Variants in MAGI2 observed in about 807,000 individuals in gnomAD.
MAGI2 encodes membrane-associated guanylate kinase, WW and PDZ domain-containing protein 2.
Under a neutral mutation model 133.3 loss-of-function variants are expected in MAGI2, and 35 were observed. The ratio of observed to expected loss-of-function variants is 0.26; its 90% CI spans 0.20 to 0.35. The LOEUF (loss-of-function observed/expected upper bound fraction) is 0.35, where lower values mean the gene tolerates loss of function less well. MAGI2 is among the 10% of genes least tolerant of loss of function. The pLI is 1.00. For synonymous variants in MAGI2, 729 were observed against 710.6 expected, an observed-to-expected ratio of 1.03 and a Z score of -0.41; for missense variants, 1,636 against 1,863.4, an observed-to-expected ratio of 0.88 and a Z score of 2.25.
intron 1 of MAGI2, among the ~76,000 whole-genome samples, chr7:79,054,785 G>C (rs1052708141): frequency 6.6e-6 from 1 of 152,036 alleles, no homozygotes; most frequent in African/African-American, 2.4e-5. Flanking sequence ...CTTTGTCTTT[G>C]GGTCCCAATT....
intron 2 of MAGI2, among the ~76,000 whole-genome samples, chr7:78,798,309 C>G (rs1787781639): frequency 6.6e-6 from 1 of 152,068 alleles, no homozygotes; most frequent in Admixed American, 6.6e-5. Context: ...TTACAAATGA[C>G]TAGTCAATTC....
chr7:79,174,194 G>A (rs1428279847), intron 1 of MAGI2, among the ~76,000 whole-genome samples: 1 of 151,822 alleles, frequency 6.6e-6, no homozygotes, highest in African/African-American at 2.4e-5. Context: ...CAAAAAGTTT[G>A]AATACCTCTC....
intron 13 of MAGI2, 34 bp downstream of exon 13, chr7:78,185,595 G>T: frequency 2.7e-6 from 4 of 1,505,064 alleles, no homozygotes; most frequent in Non-Finnish European, 3.6e-6. Context: ...AAGACGTTTT[G>T]TTCACAGAAC....
chr7:79,193,072 C>G (rs1320395213), intron 1 of MAGI2, among the ~76,000 whole-genome samples: 1 of 151,862 alleles, frequency 6.6e-6, no homozygotes, highest in Non-Finnish European at 1.5e-5. Context: ...TTGGCCCCCA[C>G]AAAGTGCTGG....
chr7:78,907,304 T>C (rs1297836871), intron 2 of MAGI2, among the ~76,000 whole-genome samples: 1 of 152,216 alleles, frequency 6.6e-6, no homozygotes, highest in African/African-American at 2.4e-5. Context: ...TCTGTTGGGC[T>C]TAAGGTAGGA....
chr7:78,483,533 A>G (rs1381204027), intron 6 of MAGI2, among the ~76,000 whole-genome samples: 1 of 151,772 alleles, frequency 6.6e-6, no homozygotes, highest in African/African-American at 2.4e-5. Context: ...AGATTCTGGG[A>G]CCAACGAGAA....
intron 3 of MAGI2, among the ~76,000 whole-genome samples, chr7:78,543,504 A>T (rs1258734645): frequency 6.6e-6 from 1 of 152,232 alleles, no homozygotes; most frequent in Non-Finnish European, 1.5e-5. Context: ...AATTAGAGTA[A>T]TGACTTCATT....
chr7:79,012,945 T>A (rs914199660), intron 1 of MAGI2, among the ~76,000 whole-genome samples: 1 of 152,104 alleles, frequency 6.6e-6, no homozygotes, highest in Non-Finnish European at 1.5e-5. Context: ...TTTATAAGGG[T>A]ACCAATCCCA....
chr7:78,728,634 C>T lies in MAGI2; in HGVS notation c.419-101395G>A, dbSNP rs1330055210. 1.4e-4 allele frequency among the ~76,000 whole-genome samples: 13 copies of T among 95,556 alleles called. 1 individual carries two copies. In the South Asian group the frequency reaches 4.3e-3, roughly 31 times the overall value. 62.7% of individuals were successfully genotyped at this position (95,556 alleles called of 152,430 possible). On this transcript the variant is annotated intron_variant, in intron 2 of 21. Coordinates refer to ENST00000354212, the MANE Select transcript of MAGI2 (RefSeq NM_012301.4). ...AGGCTGGAGTGCAGTGGCGGGATCT[C>T]GGCTCAGTGCAAGCTCCGCCTCCCG...
intron 1 of MAGI2, among the ~76,000 whole-genome samples, chr7:79,098,472 C>T (rs958290246): frequency 2.0e-5 from 3 of 152,100 alleles, no homozygotes; most frequent in Admixed American, 6.5e-5. Context: ...TATTATTTTG[C>T]CATTATTAGG....
chr7:78,078,584 A>C, intron 21 of MAGI2: 1 of 351,364 alleles, frequency 2.8e-6, no homozygotes, highest in Admixed American at 4.6e-5. Flanking sequence ...ATAATTGATA[A>C]ATTACTGTGT....
intron 1 of MAGI2, among the ~76,000 whole-genome samples, chr7:79,439,727 A>G (rs1848378960): frequency 6.6e-6 from 1 of 152,102 alleles, no homozygotes; most frequent in Admixed American, 6.6e-5. Flanking sequence ...AATATTTTTT[A>G]TCCTGATGGA....
intron 2 of MAGI2, among the ~76,000 whole-genome samples, chr7:78,969,120 T>A (rs1027562497): frequency 1.3e-5 from 2 of 152,066 alleles, no homozygotes; most frequent in East Asian, 3.9e-4. Context: ...GCCACGTGTG[T>A]CGGGGTCATG....
Position 78,352,196 on chromosome 7 carries a change from A to C in MAGI2, c.1104-6153T>G, listed in dbSNP as rs965881475. ...GACTAGACACTATGGTTGATAGGGG[A>C]GGGACAAAGATGAATCAGGCACATA... On this transcript the variant is annotated intron_variant, in intron 7 of 21. Coordinates refer to ENST00000354212, the MANE Select transcript of MAGI2 (RefSeq NM_012301.4). 3.3e-5 allele frequency among the ~76,000 whole-genome samples: 5 copies of C among 152,300 alleles called. 1 individual carries two copies. The highest frequency in any genetic ancestry group is 2.9e-5 in the Non-Finnish European group (2 of 68,032).
At chr7:79,043,542 CAAAAAA>C (rs58828466) in intron 1 of MAGI2, among the ~76,000 whole-genome samples, 41 of 40,424 alleles carry the variant, frequency 1.0e-3, no homozygotes, top group African/African-American at 3.1e-3. Context: ...GACTCCATCA[CAAAAAA>C]AAAAAAAAAA....
At chr7:79,447,023 CTT>C (rs935725301) in intron 1 of MAGI2, among the ~76,000 whole-genome samples, 3 of 152,118 alleles carry the variant, frequency 2.0e-5, no homozygotes, top group African/African-American at 7.2e-5. Context: ...TATTCAATAA[CTT>C]ATCAAAGAAG....
At chr7:78,914,914 G>T (rs989529030) in intron 2 of MAGI2, among the ~76,000 whole-genome samples, 1 of 152,046 alleles carries the variant, frequency 6.6e-6, no homozygotes, top group Non-Finnish European at 1.5e-5. Flanking sequence ...ATGTTAATGA[G>T]ATAATTTTAT....
intron 6 of MAGI2, among the ~76,000 whole-genome samples, chr7:78,471,336 C>G (rs1791184512): frequency 6.6e-6 from 1 of 152,096 alleles, no homozygotes; most frequent in Admixed American, 6.6e-5. Context: ...GAATAATTAA[C>G]TGATCAAAAG....
At chr7:79,434,404 G>A (rs1463216256) in intron 1 of MAGI2, among the ~76,000 whole-genome samples, 1 of 152,132 alleles carries the variant, frequency 6.6e-6, no homozygotes. Context: ...AACAGTTTCA[G>A]TGTAAGGACA....
Sources: gnomAD v4.1 joint callset for allele counts (sites outside exome capture counted in the v4.1 genomes callset) on GRCh38, gnomAD v4.1.1 for gene constraint, MANE v1.5 for transcripts, NCBI Gene and HGNC (gene_info 2026-07-23, HGNC 2026-07-21) for gene names.